The following RUNX1T1 variants were observed in gnomAD, a reference collection of about 807,000 sequenced individuals.
RUNX1T1 encodes the protein protein CBFA2T1.
In RUNX1T1, 4 loss-of-function variants were observed where a neutral mutation model predicts 62.8. The observed-to-expected ratio is 0.06, with a 90% CI of 0.03 to 0.15. RUNX1T1 has a LOEUF of 0.15. RUNX1T1 is among the 10% of genes least tolerant of loss of function. RUNX1T1 has a pLI of 1.00. For synonymous variants in RUNX1T1, 291 were observed against 286.0 expected (o/e 1.02, Z -0.18); for missense variants, 508 against 754.3 (o/e 0.67, Z 3.82).
At chr8:92,059,275 TGTGA>T (rs1563868584) in intron 1 of RUNX1T1, among the ~76,000 whole-genome samples, 1 of 152,204 alleles carries the variant, frequency 6.6e-6, no homozygotes, top group Non-Finnish European at 1.5e-5. Context: ...AATGGACTGC[TGTGA>T]GTGTTTTTAT....
At chr8:92,034,641 C>T (rs1294802470) in intron 1 of RUNX1T1, among the ~76,000 whole-genome samples, 1 of 129,608 alleles carries the variant, frequency 7.7e-6, no homozygotes, top group Non-Finnish European at 1.6e-5. Flanking sequence ...TATCCATCAA[C>T]AGACGACTAA....
At chr8:92,077,722 T>C (rs1025629042) in intron 1 of RUNX1T1, among the ~76,000 whole-genome samples, 1 of 152,106 alleles carries the variant, frequency 6.6e-6, no homozygotes, top group Admixed American at 6.5e-5. Context: ...TGCCCCTATA[T>C]GAGCCATAGT....
chr8:92,102,852 CT>C, upstream of RUNX1T1: 1 of 1,521,160 alleles, frequency 6.6e-7, no homozygotes, highest in Admixed American at 2.1e-5. The surrounding 1 kb of genome is among the most constrained non-coding windows in gnomAD (Gnocchi z 4.5). Context: ...ACCGCGGACA[CT>C]TACACTGCAC....
intron 2 of RUNX1T1, among the ~76,000 whole-genome samples, chr8:92,016,662 G>A (rs1332234573): frequency 1.3e-5 from 2 of 152,208 alleles, no homozygotes; most frequent in South Asian, 4.1e-4. Flanking sequence ...GTGACAGAGC[G>A]AGATTCTGTC....
chr8:92,095,992 G>A (rs1372034873), intron 1 of RUNX1T1, among the ~76,000 whole-genome samples: 1 of 152,200 alleles, frequency 6.6e-6, no homozygotes, highest in East Asian at 1.9e-4. Context: ...AACCTACTGA[G>A]TCTATAGAGC....
intron 10 of RUNX1T1, among the ~76,000 whole-genome samples, chr8:91,970,382 G>A (rs1332225467): frequency 6.6e-6 from 1 of 152,100 alleles, no homozygotes; most frequent in African/African-American, 2.4e-5. Flanking sequence ...ACACAGCCAA[G>A]CTATGAGTCT....
At position 92,014,681 on chromosome 8, in the gene RUNX1T1, T is replaced by G. The variant is rs1282723639; in HGVS notation, c.285A>C (p.Gln95His). 6.2e-7 allele frequency: 1 copy of G among 1,613,808 alleles called. No homozygotes were observed. Among genetic ancestry groups the G allele is most frequent in the African/African-American group, 1.3e-5 (1 of 74,826 alleles). The change falls in exon 3 of 11, where the codon CAA becomes CAC. Residue 95 changes from glutamine to histidine, a missense_variant. By Grantham distance (24) the Gln-to-His change is conservative (BLOSUM62 0). This residue lies in a region of RUNX1T1 where 36 missense variants were observed against 96.6 expected (regional missense o/e 0.37). Coordinates refer to ENST00000396218, the Ensembl canonical transcript of RUNX1T1. ...TAAGGAACCTTTTCAGCTTGCTGAG[T>G]TGCCTGGCACCACAGGCTGGGGGCA... is the stretch of plus-strand genomic sequence containing the variant.
intron 9 of RUNX1T1, among the ~76,000 whole-genome samples, chr8:91,971,938 TA>T (rs1027454101): frequency 6.6e-6 from 1 of 152,208 alleles, no homozygotes; most frequent in African/African-American, 2.4e-5. Context: ...TGAATTAGTT[TA>T]TCTAATTTTC....
At chr8:91,976,320 G>T (rs1290755308) in intron 8 of RUNX1T1, among the ~76,000 whole-genome samples, 1 of 152,124 alleles carries the variant, frequency 6.6e-6, no homozygotes, top group Admixed American at 6.5e-5. Context: ...AATTGTATTT[G>T]GTAGTTTTCC....
intron 8 of RUNX1T1, among the ~76,000 whole-genome samples, chr8:91,983,052 C>T (rs1018494430): frequency 2.0e-5 from 3 of 150,546 alleles, no homozygotes; most frequent in South Asian, 2.1e-4. Context: ...CTCAGCCTCC[C>T]GAGTAGCTGG....
intron 1 of RUNX1T1, among the ~76,000 whole-genome samples, chr8:92,023,399 CACAAAT>C (rs1824500163): frequency 6.6e-6 from 1 of 151,976 alleles, no homozygotes; most frequent in African/African-American, 2.4e-5. Context: ...ATGAAGTGAC[CACAAAT>C]ACAATCACTT....
At chr8:91,985,210 C>T (rs1432941844) in intron 8 of RUNX1T1, among the ~76,000 whole-genome samples, 2 of 152,092 alleles carry the variant, frequency 1.3e-5, no homozygotes, top group East Asian at 3.9e-4. Flanking sequence ...AACAAGAATC[C>T]ACAGAAATCC....
At chr8:92,039,144 GTT>G (rs71563486) in intron 1 of RUNX1T1, among the ~76,000 whole-genome samples, 13 of 137,082 alleles carry the variant, frequency 9.5e-5, no homozygotes, top group Admixed American at 1.5e-4. Flanking sequence ...TTTTGTTGTT[GTT>G]TTTTTTTTTT....
chr8:91,964,894 T>C (rs1192620339), intron 10 of RUNX1T1, among the ~76,000 whole-genome samples: 2 of 152,158 alleles, frequency 1.3e-5, no homozygotes, highest in Non-Finnish European at 2.9e-5. Context: ...TCCAACTTCA[T>C]CACTTTGTGG....
At chr8:92,047,826 T>C (rs1315116156) in intron 1 of RUNX1T1, among the ~76,000 whole-genome samples, 1 of 151,604 alleles carries the variant, frequency 6.6e-6, no homozygotes, top group East Asian at 1.9e-4. Context: ...CAAAATTGCC[T>C]CTTAGGTTAT....
intron 10 of RUNX1T1, among the ~76,000 whole-genome samples, chr8:91,968,593 A>T (rs1270025344): frequency 6.6e-6 from 1 of 152,136 alleles, no homozygotes; most frequent in Non-Finnish European, 1.5e-5. Context: ...TCTAGAGATG[A>T]TTCCTCCCCA....
chr8:92,100,857 T>C (rs1447705179), upstream of RUNX1T1, among the ~76,000 whole-genome samples: 2 of 152,230 alleles, frequency 1.3e-5, no homozygotes, highest in Admixed American at 6.5e-5. Context: ...AACACTCAGG[T>C]TGGGGCTATG....
intron 9 of RUNX1T1, among the ~76,000 whole-genome samples, chr8:91,973,006 T>C (rs1353936516): frequency 3.3e-5 from 5 of 152,034 alleles, no homozygotes; most frequent in African/African-American, 1.2e-4. Context: ...AACAATTTTT[T>C]GGATTTCTAA....
intron 5 of RUNX1T1, among the ~76,000 whole-genome samples, chr8:91,993,739 C>A (rs1278531532): frequency 6.6e-6 from 1 of 152,116 alleles, no homozygotes; most frequent in African/African-American, 2.4e-5. Context: ...CACCTGTAAT[C>A]CCAGCACTTT....
Sources: gnomAD v4.1 joint callset for allele counts (sites outside exome capture counted in the v4.1 genomes callset) on GRCh38, gnomAD v4.1.1 for gene constraint, gnomAD v4.1.1 regional missense constraint, Gnocchi (gnomAD v3.1) non-coding constraint, MANE v1.5 for transcripts, NCBI Gene and HGNC (gene_info 2026-07-23, HGNC 2026-07-21) for gene names.